ZNF385D: variants seen among roughly 807,000 people sequenced by gnomAD.
ZNF385D encodes the protein zinc finger protein 385D.
In ZNF385D, 15 loss-of-function variants were observed where a neutral mutation model predicts 35.8. The observed-to-expected ratio is 0.42, with a 90% CI of 0.28 to 0.64. The LOEUF (loss-of-function observed/expected upper bound fraction) is 0.64. Ranked by LOEUF, ZNF385D falls within the 30% of genes least tolerant of loss-of-function variation. The pLI, the probability that ZNF385D is intolerant of heterozygous loss-of-function variation, is 0.23. For missense variants in ZNF385D, 474 were observed against 494.6 expected (o/e 0.96, Z 0.39); for synonymous variants, 212 against 186.8 (o/e 1.13, Z -1.10).
rs73043599 is a variant in ZNF385D, at chr3:21,417,137, A to T, written c.*4077T>A. 28,840 of 151,996 alleles carry T rather than the reference A, an allele frequency of 0.19. 3,137 individuals are homozygous for T. Among genetic ancestry groups the T allele is most frequent in the Non-Finnish European group, 0.25 (17,067 of 67,910 alleles). The allele number at this position is 151,996 out of a possible 1,614,324, so 9.4% of individuals were successfully genotyped here. On this transcript the variant is annotated 3_prime_UTR_variant, in exon 8 of 8. Transcript: ENST00000281523. ...CTCAGGATGGAAAGGAATACAGAAT[A>T]TTTTTCTGGACATATGCAAGTATGT...
rs180896257 is a variant in ZNF385D at position 21,597,292 on chromosome 3, G to C, written c.166-32608C>G. On this transcript the variant is annotated intron_variant, in intron 2 of 7. Coordinates refer to ENST00000281523, the MANE Select transcript of ZNF385D (RefSeq NM_024697.3). ...GAAGATCTATAATTTATACCACATT[G>C]GTATTTATTAAATAGAATAAGCAAT... Among the ~76,000 whole-genome samples, 4 of 151,744 alleles carry C rather than the reference G, an allele frequency of 2.6e-5. No individual in the cohort carries two copies. The East Asian group carries it at 7.7e-4, about 29-fold the overall frequency.
chr3:21,832,875 C>T (rs1374244266), intron 3 of ZNF385D, among the ~76,000 whole-genome samples: 1 of 152,140 alleles, frequency 6.6e-6, no homozygotes, highest in Admixed American at 6.5e-5. Flanking sequence ...AAGATCCATG[C>T]ACCAGATATT....
intron 3 of ZNF385D, chr3:21,542,694 G>C (rs909428606): frequency 6.6e-6 from 1 of 152,212 alleles, no homozygotes; most frequent in African/African-American, 2.4e-5. Flanking sequence ...TGCCCACTGA[G>C]GTGTAGCCTC....
chr3:22,190,009 G>A lies in ZNF385D; in HGVS notation c.107-20974C>T, dbSNP rs542511871. On this transcript the variant is annotated intron_variant, in intron 2 of 5. Transcript: ENST00000494108. ...TTCTAACACACTTTTGCCCTGATGT[G>A]TTTGTATTGTTTGGAAAAATGAACA... Among the ~76,000 whole-genome samples the A allele has an allele frequency of 8.5e-4, 129 of 152,080 alleles. 1 individual carries two copies. The highest frequency in any genetic ancestry group is 2.9e-3 in the African/African-American group (119 of 41,500).
At chr3:22,101,833 T>C (rs1701959858) in intron 3 of ZNF385D, among the ~76,000 whole-genome samples, 1 of 151,968 alleles carries the variant, frequency 6.6e-6, no homozygotes, top group African/African-American at 2.4e-5. Context: ...CAAGGTAATA[T>C]TTTAAATCAT....
chr3:22,103,812 T>TA (rs1291211170), intron 3 of ZNF385D, among the ~76,000 whole-genome samples: 1 of 152,038 alleles, frequency 6.6e-6, no homozygotes, highest in Non-Finnish European at 1.5e-5. Context: ...AACTATGCCT[T>TA]ACCATAGTTG....
chr3:21,686,179 G>C (rs2067097577), intron 1 of ZNF385D, among the ~76,000 whole-genome samples: 3 of 152,236 alleles, frequency 2.0e-5, no homozygotes, highest in South Asian at 4.2e-4. Context: ...GTTAGTTGTA[G>C]ATATTTTAGG....
rs945045483 is a variant in ZNF385D, at chr3:21,420,794, T to C, written c.*420A>G. On this transcript the variant is annotated 3_prime_UTR_variant, in exon 8 of 8. Transcript: ENST00000281523. The stretch of plus-strand genomic sequence containing the variant: ...TTTTGTTTTTGTTTTTTTCCTTTTT[T>C]TTTGTACGATTTTAATCTACAGAGT... The C allele has an allele frequency of 6.3e-6, 1 of 158,216 alleles. No individual in the cohort carries two copies. Among genetic ancestry groups the C allele is most frequent in the Non-Finnish European group, 1.4e-5 (1 of 71,592 alleles). 9.8% of individuals were successfully genotyped at this position (158,216 alleles called of 1,614,324 possible).
chr3:22,083,313 C>T (rs191427898), intron 3 of ZNF385D, among the ~76,000 whole-genome samples: 6 of 152,204 alleles, frequency 3.9e-5, no homozygotes, highest in South Asian at 2.1e-4. Flanking sequence ...TCGAACCCAT[C>T]GCAAGGAAGG....
chr3:21,568,603 G>T (rs2063227886), intron 2 of ZNF385D, among the ~76,000 whole-genome samples: 2 of 152,096 alleles, frequency 1.3e-5, no homozygotes, highest in African/African-American at 4.8e-5. Context: ...GGTGTAGAAA[G>T]TCGAGGTACT....
intron 3 of ZNF385D, among the ~76,000 whole-genome samples, chr3:22,028,759 T>C (rs915191982): frequency 6.6e-6 from 1 of 152,204 alleles, no homozygotes; most frequent in South Asian, 2.1e-4. Flanking sequence ...GGGCTCAGAT[T>C]CATGGAATTC....
chr3:21,592,563 C>CAAA (rs200460514), intron 2 of ZNF385D, among the ~76,000 whole-genome samples: 1 of 92,356 alleles, frequency 1.1e-5, no homozygotes, highest in African/African-American at 3.4e-5. Context: ...AAACCAAAAA[C>CAAA]AAAAAAAAAA....
chr3:21,617,591 C>A (rs1471023763), intron 2 of ZNF385D, among the ~76,000 whole-genome samples: 1 of 152,074 alleles, frequency 6.6e-6, no homozygotes, highest in Non-Finnish European at 1.5e-5. Flanking sequence ...ATGCAGAAAC[C>A]CAACACATGA....
At chr3:22,089,992 C>A (rs1303860234) in intron 3 of ZNF385D, among the ~76,000 whole-genome samples, 1 of 152,076 alleles carries the variant, frequency 6.6e-6, no homozygotes, top group Admixed American at 6.6e-5. Flanking sequence ...GCGCGTGCCA[C>A]CATGCCAGTC....
chr3:21,457,521 A>G (rs1196208376), intron 4 of ZNF385D, among the ~76,000 whole-genome samples: 2 of 151,966 alleles, frequency 1.3e-5, no homozygotes, highest in Non-Finnish European at 2.9e-5. Context: ...ATGCCTAGCT[A>G]ATTTTTACAT....
chr3:22,347,607 G>T (rs553737867), intron 2 of ZNF385D, among the ~76,000 whole-genome samples: 2 of 152,254 alleles, frequency 1.3e-5, no homozygotes, highest in Non-Finnish European at 2.9e-5. Flanking sequence ...AATAAAAATA[G>T]ATTCTCCAGC....
chr3:21,428,080 C>G (rs1701102794), intron 5 of ZNF385D, among the ~76,000 whole-genome samples: 1 of 152,014 alleles, frequency 6.6e-6, no homozygotes, highest in South Asian at 2.1e-4. Context: ...TTTATAAGAT[C>G]TTAAAGCTTG....
intron 3 of ZNF385D, among the ~76,000 whole-genome samples, chr3:21,758,621 T>G (rs976198768): frequency 4.6e-5 from 7 of 152,086 alleles, no homozygotes; most frequent in African/African-American, 1.7e-4. Flanking sequence ...CTAGCTACAC[T>G]CTTAGAGGCT....
intron 1 of ZNF385D, among the ~76,000 whole-genome samples, chr3:21,669,265 C>A (rs559947090): frequency 6.6e-6 from 1 of 152,238 alleles, no homozygotes; most frequent in South Asian, 2.1e-4. Flanking sequence ...GCAATCAATA[C>A]TGAATAAGGT....
Sources: allele counts gnomAD v4.1 joint callset (sites outside exome capture counted in the v4.1 genomes callset), GRCh38; gene constraint gnomAD v4.1.1; transcripts MANE v1.5; gene names NCBI Gene and HGNC (gene_info 2026-07-23, HGNC 2026-07-21).